Variants in FER1L6 observed in about 807,000 individuals in gnomAD.
The protein encoded by FER1L6 is fer-1-like protein 6.
In FER1L6, 177 loss-of-function variants were observed where a neutral mutation model predicts 219.2. The observed-to-expected ratio is 0.81, with a 90% confidence interval of 0.71 to 0.91. FER1L6 has a LOEUF of 0.91. FER1L6 is among the 40% of genes least tolerant of loss of function. The probability of loss-of-function intolerance (pLI) is 0.00; values close to 1 mark genes in which losing one functional copy is unlikely to be tolerated. For missense variants in FER1L6, 2,153 were observed against 2,259.9 expected, an observed-to-expected ratio of 0.95 and a Z score of 0.96; for synonymous variants, 768 against 824.3, an observed-to-expected ratio of 0.93 and a Z score of 1.17.
At chr8:124,050,494 G>T (rs1417085478) in intron 22 of FER1L6, among the ~76,000 whole-genome samples, 1 of 152,080 alleles carries the variant, frequency 6.6e-6, no homozygotes, top group African/African-American at 2.4e-5. Flanking sequence ...AGGTTGAGGG[G>T]CCTGTATCAG....
rs570121430 is a variant in FER1L6 at position 123,919,298 on chromosome 8, G to C, written c.-7-36694G>C. On this transcript the variant is annotated intron_variant, in intron 1 of 40. Transcript: ENST00000522917. ...CTACCTCTTCTCATGCCTTAGGTTT[G>C]CTTATTTCCTTAACTGGTCCAGGCT... Among the ~76,000 whole-genome samples, 9 of 152,338 alleles carry C rather than the reference G, an allele frequency of 5.9e-5. No homozygotes were observed. In the East Asian group the frequency reaches 9.6e-4, roughly 16 times the overall value.
At chr8:124,103,113 G>T (rs1296175593) in intron 38 of FER1L6, 33 bp from the exon 39 acceptor site, 2 of 1,591,354 alleles carry the variant, frequency 1.3e-6, no homozygotes, top group Admixed American at 3.5e-5. Flanking sequence ...TTTAGAAAAT[G>T]CTTCCCTAAC....
intron 13 of FER1L6, among the ~76,000 whole-genome samples, chr8:124,005,716 T>C (rs752013324): frequency 6.6e-6 from 1 of 152,220 alleles, no homozygotes; most frequent in Non-Finnish European, 1.5e-5. Context: ...GTTAAGGAAT[T>C]ACTATAACTG....
At chr8:123,869,424 A>G (rs1190793435) in intron 1 of FER1L6, among the ~76,000 whole-genome samples, 1 of 152,166 alleles carries the variant, frequency 6.6e-6, no homozygotes, top group African/African-American at 2.4e-5. Flanking sequence ...CATAGGAAAT[A>G]CGTCTGAAGC....
intron 18 of FER1L6, 94 bp downstream of exon 18, chr8:124,023,690 C>A: frequency 7.6e-7 from 1 of 1,316,236 alleles, no homozygotes; most frequent in Non-Finnish European, 1.0e-6. Flanking sequence ...TCTGACCATT[C>A]CCCAGTGCTT....
chr8:123,919,718 T>G (rs914419643), intron 1 of FER1L6, among the ~76,000 whole-genome samples: 2 of 152,160 alleles, frequency 1.3e-5, no homozygotes, highest in Non-Finnish European at 2.9e-5. Context: ...ATGGTGCTCT[T>G]TATTTGGGTT....
intron 1 of FER1L6, among the ~76,000 whole-genome samples, chr8:123,913,611 T>C (rs1361305868): frequency 6.6e-6 from 1 of 152,086 alleles, no homozygotes; most frequent in Non-Finnish European, 1.5e-5. Flanking sequence ...AAAGCAGGGG[T>C]TGGACTAAGC....
intron 1 of FER1L6, among the ~76,000 whole-genome samples, chr8:123,907,020 G>T (rs1812966783): frequency 1.3e-5 from 2 of 152,142 alleles, no homozygotes; most frequent in Non-Finnish European, 2.9e-5. Context: ...TCCACACAGT[G>T]GTTGTCTAGA....
rs57649166 is a variant in FER1L6, at chr8:123,853,828, T to C, written c.-8+1643T>C. ...TGTAAGAAGGAACAACATCGCGGCC[T>C]TGATGAAGCCACAGTGATGCTACCC... On this transcript the variant is annotated intron_variant, in intron 1 of 40. Transcript: ENST00000522917. The surrounding 1 kb of genome is among the most constrained non-coding windows in gnomAD (Gnocchi z 6.6). Among the ~76,000 whole-genome samples the C allele has an allele frequency of 0.2, 31,126 of 152,082 alleles. 3,362 individuals are homozygous for C. Among genetic ancestry groups the C allele is most frequent in the Middle Eastern group, 0.26 (77 of 294 alleles).
At chr8:124,115,327 CCT>C (rs1306799929) in intron 39 of FER1L6, among the ~76,000 whole-genome samples, 1 of 151,898 alleles carries the variant, frequency 6.6e-6, no homozygotes, top group Non-Finnish European at 1.5e-5. Flanking sequence ...GGACAGGAAA[CCT>C]CTGTGAAGAA....
intron 1 of FER1L6, among the ~76,000 whole-genome samples, chr8:123,918,352 T>C (rs1813251871): frequency 6.6e-6 from 1 of 151,798 alleles, no homozygotes; most frequent in Non-Finnish European, 1.5e-5. Flanking sequence ...TCGCACTGCA[T>C]GATATTCCAT....
chr8:123,966,583 T>G (rs1273309458), intron 5 of FER1L6, among the ~76,000 whole-genome samples: 6 of 152,114 alleles, frequency 3.9e-5, no homozygotes, highest in Non-Finnish European at 8.8e-5. Context: ...AAGCCCTGGG[T>G]TTATAGTCAA....
intron 11 of FER1L6, among the ~76,000 whole-genome samples, chr8:123,981,759 C>A (rs546986788): frequency 1.3e-5 from 2 of 151,952 alleles, no homozygotes; most frequent in Admixed American, 1.3e-4. Context: ...GTTATGGCTC[C>A]GATACTAACA....
At chr8:124,034,550 A>G (rs1819117271) in intron 18 of FER1L6, among the ~76,000 whole-genome samples, 1 of 152,250 alleles carries the variant, frequency 6.6e-6, no homozygotes. Context: ...ACATAAACAT[A>G]GAAATTAAAG....
At chr8:124,049,327 T>A (rs1192427078) in intron 21 of FER1L6, among the ~76,000 whole-genome samples, 1 of 152,182 alleles carries the variant, frequency 6.6e-6, no homozygotes, top group Admixed American at 6.5e-5. Flanking sequence ...ATTACAGGCC[T>A]GAGCTACCGC....
chr8:124,030,820 C>T (rs1333562689), intron 18 of FER1L6, among the ~76,000 whole-genome samples: 1 of 152,166 alleles, frequency 6.6e-6, no homozygotes, highest in Non-Finnish European at 1.5e-5. Context: ...TGACCAACTC[C>T]AACACAGTTC....
At position 123,975,255 on chromosome 8, in the gene FER1L6, A is replaced by G. The variant is rs1816018337; in HGVS notation, c.632A>G (p.Asp211Gly). 1 of 1,613,550 alleles carries G rather than the reference A, an allele frequency of 6.2e-7. No homozygotes were observed. Among genetic ancestry groups the G allele is most frequent in the Non-Finnish European group, 8.5e-7 (1 of 1,179,766 alleles). Reference sequence around the variant, plus strand: ...GACATCAGTGTCATGGGAAAAGGTGATGTCTTGAAGACCAGCCCTAAAACT... The same window carrying G: ...GACATCAGTGTCATGGGAAAAGGTGGTGTCTTGAAGACCAGCCCTAAAACT... ...KCDISVMGKG[D>G]VLKTSPKTSD... The change falls in exon 8 of 41, where the codon GAT becomes GGT. Residue 211 changes from aspartate to glycine, a missense_variant. Coordinates refer to ENST00000522917, the MANE Select transcript of FER1L6 (RefSeq NM_001039112.2).
In FER1L6 at chr8:124,017,647, G is replaced by A; in HGVS notation, c.1942G>A (p.Glu648Lys). ...TTATAGTGCCTTTATCTCTGAAGCA[G>A]AAAAAAAGCCCAAGATGTTGAACCA... The part of the protein sequence containing the change: ...SRSSAFISEA[E>K]KKPKMLNQTT... The change falls in exon 16 of 41, where the codon GAA becomes AAA. Residue 648 changes from glutamate (E) to lysine (K), a missense_variant. Glu to Lys is a moderately conservative substitution (Grantham distance 56). Coordinates refer to ENST00000522917, the MANE Select transcript of FER1L6 (RefSeq NM_001039112.2). 1.2e-6 allele frequency: 2 copies of A among 1,613,328 alleles called. No homozygotes were observed.
Position 124,013,526 on chromosome 8 carries a change from G to T in FER1L6, c.1917G>T (p.Arg639=), listed in dbSNP as rs754142132. The T allele has an allele frequency of 1.3e-6, 2 of 1,598,404 alleles. No individual in the cohort carries two copies. Among genetic ancestry groups the T allele is most frequent in the South Asian group, 1.1e-5 (1 of 87,858 alleles). Residue 639 remains arginine, a synonymous_variant, in exon 15 of 41, where the codon CGG becomes CGT. Transcript: ENST00000522917. ...CAGTGCTCAGTGACTTCATCAGTCG[G>T]AGCAGGTACCGGGAGAGACAGCCGG... The part of the protein sequence containing the change: ...MKTVLSDFIS[R]SSAFISEAEK...
Sources: gnomAD v4.1 joint callset for allele counts (sites outside exome capture counted in the v4.1 genomes callset) on GRCh38, gnomAD v4.1.1 for gene constraint, Gnocchi (gnomAD v3.1) non-coding constraint, MANE v1.5 for transcripts, NCBI Gene and HGNC (gene_info 2026-07-23, HGNC 2026-07-21) for gene names.